Variants in CDKL3 observed in about 807,000 individuals in gnomAD.
CDKL3 encodes cyclin dependent kinase like 3.
A neutral mutation model predicts 69.3 loss-of-function variants in CDKL3; 65 were observed. The observed-to-expected ratio is 0.94, with a 90% CI of 0.77 to 1.15. The LOEUF is 1.15. Among genes scored for constraint, CDKL3 ranks in the 50% most tolerant of loss-of-function variants. The pLI is 0.00. For missense variants in CDKL3, 652 were observed against 689.2 expected, an observed-to-expected ratio of 0.95 and a Z score of 0.61; for synonymous variants, 202 against 221.6, an observed-to-expected ratio of 0.91 and a Z score of 0.79.
intron 4 of CDKL3, among the ~76,000 whole-genome samples, chr5:134,342,674 G>C (rs1750806573): frequency 1.3e-5 from 2 of 151,642 alleles, no homozygotes; most frequent in African/African-American, 4.8e-5. Context: ...TAAATTCACA[G>C]ATTAGAATAA....
chr5:134,347,603 C>T (rs1287192426), intron 4 of CDKL3, among the ~76,000 whole-genome samples: 1 of 149,744 alleles, frequency 6.7e-6, no homozygotes, highest in African/African-American at 2.5e-5. Context: ...GGCACGGTGG[C>T]TCATGCCTGT....
In CDKL3 at chr5:134,361,426, T is replaced by C. The variant is rs115165393; in HGVS notation, c.166-1335A>G. Among the ~76,000 whole-genome samples, 914 of 152,224 alleles carry C rather than the reference T, an allele frequency of 6.0e-3. 6 individuals carry two copies. The highest frequency in any genetic ancestry group is 0.02 in the African/African-American group (848 of 41,536). On this transcript the variant is annotated intron_variant, in intron 2 of 12. Transcript: ENST00000265334. Reference sequence around the variant, plus strand: ...TTTATGAAAATATATTTGCCTTCATTCCAATAACACAGTGTCAATTTTTCT... The same window carrying C: ...TTTATGAAAATATATTTGCCTTCATCCCAATAACACAGTGTCAATTTTTCT...
At chr5:134,365,756 CAT>C (rs371052347) in intron 2 of CDKL3, among the ~76,000 whole-genome samples, 81 of 152,314 alleles carry the variant, frequency 5.3e-4, no homozygotes, top group Admixed American at 2.7e-3. Flanking sequence ...TCTACAGGCA[CAT>C]GTCTTTGCTC....
intron 6 of CDKL3, among the ~76,000 whole-genome samples, chr5:134,317,857 G>A (rs755885766): frequency 1.1e-4 from 16 of 152,036 alleles, no homozygotes; most frequent in Non-Finnish European, 2.1e-4. Context: ...GCAGTGAGCC[G>A]AGGTGACACC....
At chr5:134,315,637 G>A (rs1770846506) in intron 6 of CDKL3, among the ~76,000 whole-genome samples, 1 of 152,032 alleles carries the variant, frequency 6.6e-6, no homozygotes, top group Admixed American at 6.6e-5. Context: ...CCTGGCCTAA[G>A]GATTCTTTAA....
intron 12 of CDKL3, chr5:134,299,499 T>C: frequency 1.6e-6 from 2 of 1,213,474 alleles, no homozygotes; most frequent in Non-Finnish European, 2.1e-6. Flanking sequence ...CATGTTCAAA[T>C]TAAGAAAACA....
At chr5:134,358,673 T>C (rs1460839464) in intron 3 of CDKL3, among the ~76,000 whole-genome samples, 1 of 152,152 alleles carries the variant, frequency 6.6e-6, no homozygotes, top group Non-Finnish European at 1.5e-5. Flanking sequence ...GGTGCAATCA[T>C]AGCTTACTGC....
rs539926617 is a variant in CDKL3 at position 134,338,061 on chromosome 5, C to A, written c.539+12188G>T. On this transcript the variant is annotated intron_variant, in intron 4 of 12. Coordinates refer to ENST00000265334, the MANE Select transcript of CDKL3 (RefSeq NM_001113575.2). ...ACCTAGGGAAAAAATAATATGCATGCAATACATTATTGGGCCTATAACATT... is the reference window on the plus strand; with the variant it reads ...ACCTAGGGAAAAAATAATATGCATGAAATACATTATTGGGCCTATAACATT... 2.0e-5 allele frequency among the ~76,000 whole-genome samples: 3 copies of A among 152,060 alleles called. No individual in the cohort carries two copies. In the East Asian group the frequency reaches 5.8e-4, roughly 29 times the overall value.
chr5:134,311,917 C>A (rs1291009270), intron 7 of CDKL3, among the ~76,000 whole-genome samples: 1 of 152,154 alleles, frequency 6.6e-6, no homozygotes, highest in Non-Finnish European at 1.5e-5. Flanking sequence ...ACCTGAGCCT[C>A]CCGAGTAGCT....
intron 12 of CDKL3, chr5:134,299,409 A>C: frequency 1.2e-6 from 1 of 826,300 alleles, no homozygotes; most frequent in Non-Finnish European, 1.6e-6. Flanking sequence ...TTGAAATAAT[A>C]GGTGATCAAA....
intron 7 of CDKL3, among the ~76,000 whole-genome samples, chr5:134,308,929 C>T (rs1768634642): frequency 6.6e-6 from 1 of 152,134 alleles, no homozygotes; most frequent in Non-Finnish European, 1.5e-5. Flanking sequence ...GAAAATTATG[C>T]TATGGGAACC....
chr5:134,366,479 G>A lies in CDKL3; in HGVS notation c.45C>T (p.Tyr15=), dbSNP rs935800019. ...TATGTTTACATTTCATGACTGTTCCGTAACTTCCCTCTCCCACTTTTCCAA... is the reference window on the plus strand; with the variant it reads ...TATGTTTACATTTCATGACTGTTCCATAACTTCCCTCTCCCACTTTTCCAA... The part of the protein sequence containing the change: ...ETLGKVGEGS[Y]GTVMKCKHKN... Residue 15 remains tyrosine, a synonymous_variant, in exon 2 of 13, where the codon TAC becomes TAT. Transcript: ENST00000265334. 1.1e-5 allele frequency: 17 copies of A among 1,607,274 alleles called. 1 individual carries two copies. The highest frequency in any genetic ancestry group is 1.4e-5 in the Non-Finnish European group (16 of 1,176,986).
intron 4 of CDKL3, among the ~76,000 whole-genome samples, chr5:134,335,713 C>T (rs1449565796): frequency 6.6e-6 from 1 of 152,146 alleles, no homozygotes; most frequent in East Asian, 1.9e-4. Flanking sequence ...ATGAGCTTCC[C>T]TTTGTAGGTA....
At chr5:134,358,470 T>C (rs1581224956) in intron 3 of CDKL3, among the ~76,000 whole-genome samples, 1 of 152,336 alleles carries the variant, frequency 6.6e-6, no homozygotes, top group South Asian at 2.1e-4. Context: ...GACAAGGCTC[T>C]AAACAGATAC....
At chr5:134,312,656 A>G (rs1017136965) in intron 6 of CDKL3, among the ~76,000 whole-genome samples, 1 of 152,244 alleles carries the variant, frequency 6.6e-6, no homozygotes, top group Non-Finnish European at 1.5e-5. Context: ...GCAAAAATTA[A>G]TTAGCTCATT....
chr5:134,364,108 G>A (rs191845061), intron 2 of CDKL3, among the ~76,000 whole-genome samples: 114 of 152,030 alleles, frequency 7.5e-4, no homozygotes, highest in African/African-American at 2.5e-3. Flanking sequence ...ATACTATATC[G>A]TCAAGATCAT....
chr5:134,369,531 A>T (rs1050993710), upstream of CDKL3, among the ~76,000 whole-genome samples: 4 of 152,004 alleles, frequency 2.6e-5, no homozygotes, highest in Non-Finnish European at 5.9e-5. Flanking sequence ...CTTTCTTCAA[A>T]CCCTGAATTC....
At chr5:134,293,558 G>A (rs1030750239), downstream of CDKL3, among the ~76,000 whole-genome samples, 2 of 152,152 alleles carry the variant, frequency 1.3e-5, no homozygotes, top group Admixed American at 1.3e-4. Context: ...TGCTTTGGAA[G>A]GCCGAGGTGG....
At chr5:134,292,060 T>C (rs1174668338) in intron 8 of CDKL3, among the ~76,000 whole-genome samples, 3 of 152,146 alleles carry the variant, frequency 2.0e-5, no homozygotes, top group Non-Finnish European at 4.4e-5. Flanking sequence ...CCTCAGCAAT[T>C]GATTCAAAAA....
Sources: allele counts gnomAD v4.1 joint callset (sites outside exome capture counted in the v4.1 genomes callset), GRCh38; gene constraint gnomAD v4.1.1; transcripts MANE v1.5; gene names NCBI Gene and HGNC (gene_info 2026-07-23, HGNC 2026-07-21).